PENK: variants seen among roughly 807,000 people sequenced by gnomAD.
PENK encodes the protein proenkephalin-A.
PENK carries 25 observed loss-of-function variants against 24.1 expected under a neutral mutation model. The observed-to-expected ratio is 1.04, with a 90% confidence interval of 0.76 to 1.45. PENK has a LOEUF of 1.45. Among genes scored for constraint, PENK ranks in the 40% most tolerant of loss-of-function variants. The pLI is 0.00. For synonymous variants in PENK, 135 were observed against 130.3 expected (o/e 1.04, Z -0.24); for missense variants, 353 against 337.9 (o/e 1.04, Z -0.35).
chr8:56,441,335 G>A lies in PENK; in HGVS notation c.741C>T (p.Gly247=), dbSNP rs767633030. 8.7e-6 allele frequency: 14 copies of A among 1,613,126 alleles called. No homozygotes were observed. The highest frequency in any genetic ancestry group is 6.6e-5 in the South Asian group (6 of 91,036). The change falls in exon 4 of 4, where the codon GGC becomes GGT. Residue 247 remains glycine (G), a synonymous_variant. Transcript: ENST00000451791. Reference sequence around the variant, plus strand: ...CAGGAACTTCTTTGGAGTAACTTTCGCCTTCTTCGTCGGAGGGCAGAGCCT... The same window carrying A: ...CAGGAACTTCTTTGGAGTAACTTTCACCTTCTTCGTCGGAGGGCAGAGCCT... ...FAEALPSDEE[G]ESYSKEVPEM...
chr8:56,442,759 A>G (rs1396290514), intron 3 of PENK, among the ~76,000 whole-genome samples: 1 of 152,074 alleles, frequency 6.6e-6, no homozygotes, highest in Non-Finnish European at 1.5e-5. Context: ...CAGAAAAAGT[A>G]TTTTTCAATG....
rs1350718538 is a variant in PENK at position 56,441,586 on chromosome 8, C to T, written c.490G>A (p.Gly164Arg). 6.2e-7 allele frequency: 1 copy of T among 1,613,324 alleles called. No individual in the cohort carries two copies. Among genetic ancestry groups the T allele is most frequent in the African/African-American group, 1.3e-5 (1 of 74,812 alleles). ...SDLLKELLET[G>R]DNRERSHHQD... ...TGGTGGCTACGCTCTCGGTTGTCCC[C>T]TGTTTCCAGAAGCTCTTTTAGCAGG... Residue 164 changes from glycine to arginine, a missense_variant, in exon 4 of 4, where the codon GGG becomes AGG. Physicochemically the swap from Gly to Arg is moderately radical, Grantham distance 125. Coordinates refer to ENST00000451791, the MANE Select transcript of PENK (RefSeq NM_001135690.3).
rs367963946 is a variant in PENK, at chr8:56,441,361, C to A, written c.715G>T (p.Glu239Ter). 6.2e-7 allele frequency: 1 copy of A among 1,614,082 alleles called. No individual in the cohort carries two copies. The highest frequency in any genetic ancestry group is 8.5e-7 in the Non-Finnish European group (1 of 1,179,924). ...RYGGFLKRFA[E>*]ALPSDEEGES... ...CCTTCTTCGTCGGAGGGCAGAGCCT[C>A]GGCAAAGCGCTTCAGGAAACCTCCA... The change falls in exon 4 of 4, where the codon GAG becomes TAG. Residue 239 changes from glutamate (E) to a stop codon, truncating the protein, a stop_gained. Transcript: ENST00000451791. LOFTEE classifies it high-confidence loss of function.
At chr8:56,446,014 C>T (rs1257633792) in intron 2 of PENK, 58 bp from the exon 3 acceptor site, 14 of 1,498,564 alleles carry the variant, frequency 9.3e-6, no homozygotes, top group Non-Finnish European at 9.0e-7. Context: ...CGGGGTCCCT[C>T]GGCAGGACCC....
chr8:56,445,488 AC>A, intron 3 of PENK: 2 of 581,752 alleles, frequency 3.4e-6, no homozygotes, highest in South Asian at 4.4e-5. Context: ...CCAGGAGAGA[AC>A]CCAGTGCTAT....
At position 56,441,343 on chromosome 8, in the gene PENK, C is replaced by T. The variant is rs376111422; in HGVS notation, c.733G>A (p.Glu245Lys). 38 of 1,613,530 alleles carry T rather than the reference C, an allele frequency of 2.4e-5. No individual in the cohort carries two copies. The highest frequency in any genetic ancestry group is 2.3e-4 in the African/African-American group (17 of 74,896). ...TCTTTGGAGTAACTTTCGCCTTCTT[C>T]GTCGGAGGGCAGAGCCTCGGCAAAG... ...KRFAEALPSD[E>K]EGESYSKEVP... Residue 245 changes from glutamate to lysine, a missense_variant, in exon 4 of 4, where the codon GAA becomes AAA. Physicochemically the swap from Glu to Lys is moderately conservative, Grantham distance 56 (BLOSUM62 1). Coordinates refer to ENST00000451791, the MANE Select transcript of PENK (RefSeq NM_001135690.3).
intron 3 of PENK, chr8:56,443,857 G>T (rs2128941449): frequency 1.6e-6 from 1 of 617,816 alleles, no homozygotes; most frequent in Non-Finnish European, 2.9e-6. Context: ...TTTATTGATG[G>T]TTGCTTATTA....
Position 56,445,887 on chromosome 8 carries a change from G to T in PENK, c.67C>A (p.Arg23=), listed in dbSNP as rs1472912704. The stretch of plus-strand genomic sequence containing the variant: ...GCGCAATCCTGGCTGCATTCGGCCC[G>T]CACGGTCGCCAGGAGCCCGGGGCCG... ...LLGPGLLATV[R]AECSQDCATC... is the part of the protein sequence containing the mutation. Residue 23 remains arginine, a synonymous_variant, in exon 3 of 4, where the codon CGG becomes AGG. Coordinates refer to ENST00000451791, the MANE Select transcript of PENK (RefSeq NM_001135690.3). 2 of 1,612,898 alleles carry T rather than the reference G, an allele frequency of 1.2e-6. No homozygotes were observed. The highest frequency in any genetic ancestry group is 1.3e-5 in the African/African-American group (1 of 75,056).
intron 2 of PENK, 115 bp from the exon 3 acceptor site, chr8:56,446,071 G>T: frequency 8.2e-7 from 1 of 1,226,218 alleles, no homozygotes; most frequent in Non-Finnish European, 1.1e-6. Flanking sequence ...AAGCCCGCAG[G>T]AATGCTCCTT....
In PENK at chr8:56,440,957, TGCACTTGGG is replaced by T. The variant is rs539127857; in HGVS notation, c.*306_*314del. ...GAAAAAGAGACTTACAAGGATATTA[TGCACTTGGG>T]GTAATAGGTTTATTATCTCTATATA... On this transcript the variant is annotated 3_prime_UTR_variant, in exon 4 of 4. Transcript: ENST00000451791. 5.8e-5 allele frequency: 13 copies of T among 222,738 alleles called. No homozygotes were observed. In the South Asian group the frequency reaches 1.8e-3, roughly 30 times the overall value. The allele number at this position is 222,738 out of a possible 1,614,324, so 13.8% of individuals were successfully genotyped here.
intron 3 of PENK, chr8:56,443,854 A>G: frequency 3.3e-6 from 2 of 614,178 alleles, no homozygotes; most frequent in Middle Eastern, 2.5e-4. Context: ...ATTTTTATTG[A>G]TGGTTGCTTA....
At chr8:56,442,954 A>T (rs1417724479) in intron 3 of PENK, among the ~76,000 whole-genome samples, 1 of 152,136 alleles carries the variant, frequency 6.6e-6, no homozygotes, top group Non-Finnish European at 1.5e-5. Context: ...CAAAACATGC[A>T]TGATATTTCT....
rs368639829 is a variant in PENK, at chr8:56,441,435, A to T, written c.641T>A (p.Met214Lys). 3.1e-6 allele frequency: 5 copies of T among 1,613,944 alleles called. No homozygotes were observed. Among genetic ancestry groups the T allele is most frequent in the Non-Finnish European group, 4.2e-6 (5 of 1,180,016 alleles). The change falls in exon 4 of 4, where the codon ATG becomes AAG. Residue 214 changes from methionine to lysine, a missense_variant. Transcript: ENST00000451791. ...KELQKRYGGF[M>K]RRVGRPEWWM... ...CCACTCTGGGCGACCTACTCTTCTC[A>T]TGAAGCCCCCATATCGCTTCTGCAG...
In PENK at chr8:56,445,974, C is replaced by T; in HGVS notation, c.-3-18G>A. ...GCCATGGACTGCGAGGAGAGAGGGA[C>T]GCGTGCTTCGAGCCTGCCTGGGCGC... On this transcript the variant is annotated intron_variant, in intron 2 of 3. Coordinates refer to ENST00000451791, the MANE Select transcript of PENK (RefSeq NM_001135690.3). 6.4e-7 allele frequency: 1 copy of T among 1,572,896 alleles called. No homozygotes were observed. The highest frequency in any genetic ancestry group is 8.6e-7 in the Non-Finnish European group (1 of 1,159,774).
rs753661009 is a variant in PENK, at chr8:56,441,641, C to T, written c.435G>A (p.Glu145=). The T allele has an allele frequency of 1.2e-6, 2 of 1,613,946 alleles. No homozygotes were observed. The highest frequency in any genetic ancestry group is 2.7e-5 in the African/African-American group (2 of 74,872). ...RYGGFMKKDA[E]EDDSLANSSD... ...AGGAATTGGCCAGCGAGTCGTCCTC[C>T]TCTGCATCCTTCTTCATGAAGCCCC... Residue 145 remains glutamate, a synonymous_variant, in exon 4 of 4, where the codon GAG becomes GAA. Coordinates refer to ENST00000451791, the MANE Select transcript of PENK (RefSeq NM_001135690.3).
At chr8:56,444,003 TCTC>T (rs1417222943) in intron 3 of PENK, 2 of 702,054 alleles carry the variant, frequency 2.8e-6, no homozygotes, top group Non-Finnish European at 5.2e-6. Flanking sequence ...GCCTTCCTCT[TCTC>T]CTCCCCCACA....
Position 56,441,594 on chromosome 8 carries a change from A to C in PENK, c.482T>G (p.Leu161Arg). Residue 161 changes from leucine (L) to arginine (R), a missense_variant, in exon 4 of 4, where the codon CTG becomes CGG. Physicochemically the swap from Leu to Arg is moderately radical, Grantham distance 102. Transcript: ENST00000451791. ...ACGCTCTCGGTTGTCCCCTGTTTCCAGAAGCTCTTTTAGCAGGTCTGAGGA... is the reference window on the plus strand; with the variant it reads ...ACGCTCTCGGTTGTCCCCTGTTTCCCGAAGCTCTTTTAGCAGGTCTGAGGA... ...ANSSDLLKEL[L>R]ETGDNRERSH... 1 of 1,613,876 alleles carries C rather than the reference A, an allele frequency of 6.2e-7. No homozygotes were observed. The highest frequency in any genetic ancestry group is 8.5e-7 in the Non-Finnish European group (1 of 1,179,990).
Position 56,441,015 on chromosome 8 carries a change from G to A in PENK, c.*257C>T. On this transcript the variant is annotated 3_prime_UTR_variant, in exon 4 of 4. Transcript: ENST00000451791. ...TACAAGTAAGCATTTATTGATGTTT[G>A]TCAAAAATAAGAGACAAGATAACAA... is the stretch of plus-strand genomic sequence containing the variant. 1 of 385,226 alleles carries A rather than the reference G, an allele frequency of 2.6e-6. No individual in the cohort carries two copies. The highest frequency in any genetic ancestry group is 4.6e-6 in the Non-Finnish European group (1 of 215,812). The allele number at this position is 385,226 out of a possible 1,614,324, so 23.9% of individuals were successfully genotyped here. A position where few individuals can be genotyped will look rare whatever the true frequency, so the allele number is the denominator to read the frequency against.
chr8:56,444,094 T>C, intron 3 of PENK: 1 of 635,660 alleles, frequency 1.6e-6, no homozygotes, highest in Non-Finnish European at 2.8e-6. Flanking sequence ...AAGAGCTAGC[T>C]GCTACCCAGT....
Sources: gnomAD v4.1 joint callset for allele counts (sites outside exome capture counted in the v4.1 genomes callset) on GRCh38, gnomAD v4.1.1 for gene constraint, MANE v1.5 for transcripts, NCBI Gene and HGNC (gene_info 2026-07-23, HGNC 2026-07-21) for gene names.